The following ATCAY variants were observed in gnomAD, a reference collection of about 807,000 sequenced individuals.
The protein encoded by ATCAY is ATCAY kinesin light chain interacting caytaxin, also known as caytaxin.
Under a neutral mutation model 47.7 loss-of-function variants are expected in ATCAY, and 22 were observed. The observed-to-expected ratio is 0.46, with a 90% CI of 0.33 to 0.66. The LOEUF (loss-of-function observed/expected upper bound fraction) is 0.66, where lower values mean the gene tolerates loss of function less well. Among genes scored for constraint, ATCAY ranks in the 30% least tolerant of loss-of-function variants. ATCAY has a pLI of 0.02. For missense variants in ATCAY, 452 were observed against 515.0 expected (o/e 0.88, Z 1.18); for synonymous variants, 216 against 207.6 (o/e 1.04, Z -0.35).
intron 1 of ATCAY, among the ~76,000 whole-genome samples, chr19:3,882,739 G>A (rs1293929981): frequency 1.3e-5 from 2 of 151,676 alleles, no homozygotes; most frequent in Non-Finnish European, 2.9e-5. Flanking sequence ...CACCTCCTGG[G>A]CTCAGGCAAT....
intron 9 of ATCAY, among the ~76,000 whole-genome samples, 156 bp from the exon 10 acceptor site, chr19:3,917,586 A>C (rs1433796410): frequency 1.5e-5 from 1 of 66,818 alleles, no homozygotes; most frequent in Non-Finnish European, 3.1e-5. Flanking sequence ...CTCCATCTCA[A>C]AAAAAAAAAA....
chr19:3,923,891 G>T (rs545805478), intron 12 of ATCAY, among the ~76,000 whole-genome samples: 18 of 151,216 alleles, frequency 1.2e-4, no homozygotes, highest in African/African-American at 4.4e-4. Context: ...TGCATGGATG[G>T]GTGGATGGCT....
chr19:3,921,828 C>A (rs1395872504), intron 12 of ATCAY, among the ~76,000 whole-genome samples: 1 of 150,948 alleles, frequency 6.6e-6, no homozygotes. Context: ...ACCTGGGAGG[C>A]GGAGGTTGCA....
In ATCAY at chr19:3,924,665, G is replaced by A; in HGVS notation, c.*73G>A. The A allele has an allele frequency of 6.4e-7, 1 of 1,553,402 alleles. No homozygotes were observed. The highest frequency in any genetic ancestry group is 1.1e-5 in the South Asian group (1 of 88,178). On this transcript the variant is annotated 3_prime_UTR_variant, in exon 13 of 13. Transcript: ENST00000450849. ...GAAAACCTCTGTCAGACGCCCACTG[G>A]CCCCAGATCTCATCCTGCCTCATCC... is the stretch of plus-strand genomic sequence containing the variant.
Position 3,886,369 on chromosome 19 carries a change from G to C in ATCAY, c.77+525G>C, listed in dbSNP as rs188227017. Among the ~76,000 whole-genome samples, 6 of 152,214 alleles carry C rather than the reference G, an allele frequency of 3.9e-5. No individual in the cohort carries two copies. The East Asian group carries it at 1.2e-3, about 30-fold the overall frequency. On this transcript the variant is annotated intron_variant, in intron 2 of 12. Transcript: ENST00000450849. ...GCACTTTGGGAGGCCGAGGCGGGCG[G>C]ATCATGAGGTCAGCAGATGGAAACT...
At chr19:3,884,366 C>T (rs957858090) in intron 1 of ATCAY, among the ~76,000 whole-genome samples, 1 of 152,074 alleles carries the variant, frequency 6.6e-6, no homozygotes, top group African/African-American at 2.4e-5. Flanking sequence ...AGTCTCTTTC[C>T]ACACTGCCTT....
Position 3,892,170 on chromosome 19 carries a change from G to A in ATCAY, c.77+6326G>A, listed in dbSNP as rs549245295. Among the ~76,000 whole-genome samples the A allele has an allele frequency of 5.9e-5, 9 of 151,276 alleles. No homozygotes were observed. The South Asian group carries it at 6.3e-4, about 11-fold the overall frequency. The stretch of plus-strand genomic sequence containing the variant: ...TTCCCAAAGTGCTGGGATTACAGGC[G>A]TGAGCCACCATGCCCAGCTGCTTGT... On this transcript the variant is annotated intron_variant, in intron 2 of 12. Coordinates refer to ENST00000450849, the MANE Select transcript of ATCAY (RefSeq NM_033064.5).
intron 9 of ATCAY, among the ~76,000 whole-genome samples, chr19:3,915,717 ATTT>A (rs58629412): frequency 0.012 from 1,292 of 108,906 alleles, 26 homozygotes; most frequent in African/African-American, 0.043. Flanking sequence ...TGCCCAGCTA[ATTT>A]TTTTTTTTTT....
intron 2 of ATCAY, among the ~76,000 whole-genome samples, chr19:3,889,810 A>G (rs191405569): frequency 2.0e-5 from 3 of 152,246 alleles, no homozygotes; most frequent in African/African-American, 4.8e-5. Context: ...TGGTCATGAA[A>G]TTTTGATAAA....
rs370834661 is a variant in ATCAY at position 3,896,467 on chromosome 19, A to G, written c.78-6020A>G. On this transcript the variant is annotated intron_variant, in intron 2 of 12. Transcript: ENST00000450849. ...TTTTTAGTAGAGACGGGGTTTCACC[A>G]TGTTGGCCAGGCTGGTCTTGAACTC... is the stretch of plus-strand genomic sequence containing the variant. 9.3e-5 allele frequency among the ~76,000 whole-genome samples: 14 copies of G among 151,122 alleles called. 1 individual carries two copies. Among genetic ancestry groups the G allele is most frequent in the Middle Eastern group, 3.4e-3 (1 of 292 alleles).
At chr19:3,893,976 G>A (rs926532581) in intron 2 of ATCAY, among the ~76,000 whole-genome samples, 1 of 152,070 alleles carries the variant, frequency 6.6e-6, no homozygotes, top group Non-Finnish European at 1.5e-5. Context: ...CCCGGAGCCT[G>A]GGCCTCTGCA....
intron 6 of ATCAY, among the ~76,000 whole-genome samples, chr19:3,908,579 GTCCTCC>G (rs1188846677): frequency 6.8e-6 from 1 of 147,044 alleles, no homozygotes; most frequent in Non-Finnish European, 1.5e-5. Context: ...TCTCCTCCCC[GTCCTCC>G]TCCTCCTCCT....
At chr19:3,905,706 C>T (rs569302744) in intron 4 of ATCAY, 51 bp downstream of exon 4, 2 of 1,512,460 alleles carry the variant, frequency 1.3e-6, no homozygotes, top group African/African-American at 2.7e-5. Context: ...CCCCCCACCC[C>T]ACCTTTCCGT....
intron 3 of ATCAY, among the ~76,000 whole-genome samples, chr19:3,904,481 G>A (rs1335482542): frequency 6.6e-6 from 1 of 152,222 alleles, no homozygotes; most frequent in African/African-American, 2.4e-5. Context: ...GCCTGCGGAC[G>A]GTTTTGCAAC....
chr19:3,881,184 C>G (rs1046813001), intron 1 of ATCAY, among the ~76,000 whole-genome samples, 176 bp downstream of exon 1: 6 of 152,044 alleles, frequency 3.9e-5, no homozygotes, highest in Admixed American at 6.6e-5. Flanking sequence ...CCAGGGAAAA[C>G]CGTTCCCTGA....
chr19:3,908,131 A>G, intron 5 of ATCAY, 137 bp from the exon 6 acceptor site: 2 of 1,008,590 alleles, frequency 2.0e-6, no homozygotes, highest in Non-Finnish European at 3.0e-6. Flanking sequence ...GAGACTGGCT[A>G]AGGGGTCGCC....
Position 3,927,557 on chromosome 19 carries a change from G to GC in ATCAY, c.*2970dup, listed in dbSNP as rs913114069. ...AAGGTGCCTGCCGGCTAAACATTCT[G>GC]CCCCCACCAGAAACTCCAGGGGGTC... On this transcript the variant is annotated 3_prime_UTR_variant, in exon 13 of 13. Coordinates refer to ENST00000450849, the MANE Select transcript of ATCAY (RefSeq NM_033064.5). The GC allele has an allele frequency of 6.6e-6, 1 of 152,276 alleles. No individual in the cohort carries two copies. Among genetic ancestry groups the GC allele is most frequent in the African/African-American group, 2.4e-5 (1 of 41,466 alleles). 9.4% of individuals were successfully genotyped at this position (152,276 alleles called of 1,614,324 possible).
chr19:3,922,244 TC>T (rs1307186414), intron 12 of ATCAY: 2 of 700,162 alleles, frequency 2.9e-6, no homozygotes, highest in African/African-American at 3.5e-5. Context: ...TAGTCCATTC[TC>T]ATGCTGCTAT....
At chr19:3,892,173 A>G (rs1450808259) in intron 2 of ATCAY, among the ~76,000 whole-genome samples, 1 of 150,174 alleles carries the variant, frequency 6.7e-6, no homozygotes, top group Non-Finnish European at 1.5e-5. Flanking sequence ...TACAGGCGTG[A>G]GCCACCATGC....
Sources: allele counts gnomAD v4.1 joint callset (sites outside exome capture counted in the v4.1 genomes callset), GRCh38; gene constraint gnomAD v4.1.1; transcripts MANE v1.5; gene names NCBI Gene and HGNC (gene_info 2026-07-23, HGNC 2026-07-21).